Variants in SLC25A29 observed in about 807,000 individuals in gnomAD.
The protein encoded by SLC25A29 is solute carrier family 25 member 29, also known as mitochondrial basic amino acids transporter.
Under a neutral mutation model 10.0 loss-of-function variants are expected in SLC25A29, and 13 were observed. The ratio of observed to expected loss-of-function variants is 1.30; its 90% CI spans 0.85 to 2.07. The LOEUF (loss-of-function observed/expected upper bound fraction) is 2.07. SLC25A29 is among the 30% of genes most tolerant of loss of function. The pLI, the probability that SLC25A29 is intolerant of heterozygous loss-of-function variation, is 0.00. For synonymous variants in SLC25A29, 244 were observed against 221.1 expected (o/e 1.10, Z -0.92); for missense variants, 475 against 447.6 (o/e 1.06, Z -0.55).
intron 1 of SLC25A29, among the ~76,000 whole-genome samples, chr14:100,303,120 T>C (rs1220596526): frequency 1.3e-5 from 2 of 152,198 alleles, no homozygotes; most frequent in African/African-American, 4.8e-5. Flanking sequence ...TGGGAGGCCT[T>C]TGCATCCTGG....
intron 2 of SLC25A29, chr14:100,296,026 G>C: frequency 7.8e-7 from 1 of 1,286,840 alleles, no homozygotes; most frequent in Non-Finnish European, 1.0e-6. Context: ...TCCCAGCCAT[G>C]AGATAGTCTG....
Position 100,292,334 on chromosome 14 carries a change from AGCCTCGCCCTCGGGCCCG to A in SLC25A29, c.843_860del (p.Gly282_Ala287del), listed in dbSNP as rs757896339. The stretch of plus-strand genomic sequence containing the variant: ...CAGGCCCCGCAGGGGCGGCGGGCAC[AGCCTCGCCCTCGGGCCCG>A]GCCTCCTCGCCGCGCGCGTAGGTGA... On this transcript the variant is annotated inframe_deletion, in exon 4 of 4. Transcript: ENST00000359232. The A allele has an allele frequency of 1.1e-5, 16 of 1,494,188 alleles. No individual in the cohort carries two copies. The highest frequency in any genetic ancestry group is 1.3e-5 in the Non-Finnish European group (15 of 1,127,764). 92.6% of individuals were successfully genotyped at this position (1,494,188 alleles called of 1,614,324 possible).
At position 100,304,218 on chromosome 14, in the gene SLC25A29, C is replaced by T. The variant is rs182543036; in HGVS notation, c.34+1981G>A. On this transcript the variant is annotated intron_variant, in intron 1 of 3. Coordinates refer to ENST00000359232, the MANE Select transcript of SLC25A29 (RefSeq NM_001039355.3). The stretch of plus-strand genomic sequence containing the variant: ...GAGCCAGGCAGGGGCTGCTGGGGTA[C>T]GGGTCCCAAGGTGGGGTGCCTCTGG... Among the ~76,000 whole-genome samples the T allele has an allele frequency of 4.2e-4, 64 of 152,266 alleles. 1 individual carries two copies. In the East Asian group the frequency reaches 0.011, roughly 26 times the overall value.
downstream of SLC25A29, among the ~76,000 whole-genome samples, chr14:100,290,367 G>C (rs1193029361): frequency 6.6e-6 from 1 of 152,232 alleles, no homozygotes; most frequent in African/African-American, 2.4e-5. Context: ...AGAGTAAAGA[G>C]AAGCGAGAGA....
At chr14:100,301,710 CTT>C (rs1355296409) in intron 1 of SLC25A29, among the ~76,000 whole-genome samples, 2 of 150,398 alleles carry the variant, frequency 1.3e-5, no homozygotes, top group African/African-American at 4.9e-5. Context: ...GGGGTTTCAC[CTT>C]TGTTAGCCAG....
At chr14:100,300,832 G>A (rs1381856675) in intron 1 of SLC25A29, among the ~76,000 whole-genome samples, 1 of 152,102 alleles carries the variant, frequency 6.6e-6, no homozygotes, top group Non-Finnish European at 1.5e-5. Context: ...TTATGTAAAT[G>A]GTTTATTTTA....
rs1383083407 is a variant in SLC25A29 at position 100,306,391 on chromosome 14, G to C, written c.-159C>G. 1 of 610,996 alleles carries C rather than the reference G, an allele frequency of 1.6e-6. No homozygotes were observed. The highest frequency in any genetic ancestry group is 2.3e-6 in the Non-Finnish European group (1 of 427,742). 37.8% of individuals were successfully genotyped at this position (610,996 alleles called of 1,614,324 possible). ...GGGCAGGCGCGGTCAGGGATGGTGG[G>C]GATGGCGGCAGCAGCTAGACCCGCG... On this transcript the variant is annotated 5_prime_UTR_variant, in exon 1 of 4. Transcript: ENST00000359232.
intron 1 of SLC25A29, among the ~76,000 whole-genome samples, chr14:100,301,763 GCCAC>G (rs1400272668): frequency 3.9e-5 from 6 of 151,962 alleles, no homozygotes; most frequent in Non-Finnish European, 8.8e-5. Context: ...ACCCGCCTCG[GCCAC>G]CCAAAGTGCT....
At position 100,293,366 on chromosome 14, in the gene SLC25A29, C is replaced by G. The variant is rs747300722; in HGVS notation, c.90G>C (p.Gln30His). ...ACTGAGGCTTCTCCACGCTCTGGAC[C>G]TGAAGCCGTACCTGGAAGGAGAGGG... is the stretch of plus-strand genomic sequence containing the variant. ...HPFDTVKVRL[Q>H]VQSVEKPQYR... The change falls in exon 3 of 4, where the codon CAG becomes CAC. Residue 30 changes from glutamine (Q) to histidine (H), a missense_variant. Transcript: ENST00000359232. The G allele has an allele frequency of 6.2e-7, 1 of 1,613,012 alleles. No homozygotes were observed. Among genetic ancestry groups the G allele is most frequent in the Admixed American group, 1.7e-5 (1 of 59,984 alleles).
rs541770906 is a variant in SLC25A29 at position 100,305,742 on chromosome 14, G to A, written c.34+457C>T. On this transcript the variant is annotated intron_variant, in intron 1 of 3. Transcript: ENST00000359232. ...GTGCCCTCCAAGGCCAGCCGAGTAG[G>A]GGGTCGGCTCCGTAGCCCCAACCCC... 101 of 156,922 alleles carry A rather than the reference G, an allele frequency of 6.4e-4. No individual in the cohort carries two copies. The East Asian group carries it at 8.5e-3, about 13-fold the overall frequency. 9.7% of individuals were successfully genotyped at this position (156,922 alleles called of 1,614,324 possible). A position where few individuals can be genotyped will look rare whatever the true frequency, so the allele number is the denominator to read the frequency against.
chr14:100,298,414 G>A (rs186444735), intron 2 of SLC25A29, among the ~76,000 whole-genome samples: 3 of 152,312 alleles, frequency 2.0e-5, no homozygotes, highest in Non-Finnish European at 4.4e-5. Context: ...TCAGGCCTCT[G>A]GCACGTGGGA....
At chr14:100,294,688 G>A (rs1209202522) in intron 2 of SLC25A29, 1 of 152,216 alleles carries the variant, frequency 6.6e-6, no homozygotes, top group Non-Finnish European at 1.5e-5. Context: ...GCTAGCAAGG[G>A]AGAGCCCTCA....
At chr14:100,284,193 C>CAT in the SLC25A29 span, among the ~76,000 whole-genome samples, 1 of 152,216 alleles carries the variant, frequency 6.6e-6, no homozygotes, top group Non-Finnish European at 1.5e-5. Context: ...AAGCCCAAGC[C>CAT]TGCCTGGCTT....
Position 100,292,842 on chromosome 14 carries a change from G to A in SLC25A29, c.353C>T (p.Thr118Met), listed in dbSNP as rs373810559. ...GCCCGCGTCCTGCAGCTGCAGCCGC[G>A]TCTTGGCCAGCTCCATGGGGCAGCA... is the stretch of plus-strand genomic sequence containing the variant. Reference protein sequence around the residue: ...VICCPMELAKTRLQLQDAGPA... With the variant: ...VICCPMELAKMRLQLQDAGPA... Residue 118 changes from threonine (T) to methionine (M), a missense_variant, in exon 4 of 4, where the codon ACG becomes ATG. Transcript: ENST00000359232. 2.4e-5 allele frequency: 39 copies of A among 1,594,682 alleles called. No homozygotes were observed. In the African/African-American group the frequency reaches 4.5e-4, roughly 19 times the overall value.
At chr14:100,297,320 T>A (rs1431531305) in intron 2 of SLC25A29, among the ~76,000 whole-genome samples, 1 of 152,148 alleles carries the variant, frequency 6.6e-6, no homozygotes, top group East Asian at 1.9e-4. Context: ...GGGGTGCTGC[T>A]CGCGGGCTCA....
downstream of SLC25A29, among the ~76,000 whole-genome samples, chr14:100,287,950 T>C (rs1189178901): frequency 6.6e-6 from 1 of 152,070 alleles, no homozygotes; most frequent in Non-Finnish European, 1.5e-5. Context: ...CCACTGCACC[T>C]CCAGGCATCC....
chr14:100,280,223 C>T, the SLC25A29 span: 28 of 152,234 alleles, frequency 1.8e-4, no homozygotes, highest in East Asian at 2.1e-3. Context: ...ATTTTGCTAA[C>T]GATGTAATTT....
In SLC25A29 at chr14:100,292,043, A is replaced by C. The variant is rs948128237; in HGVS notation, c.*240T>G. 3.8e-6 allele frequency: 2 copies of C among 532,814 alleles called. No homozygotes were observed. Among genetic ancestry groups the C allele is most frequent in the Non-Finnish European group, 3.3e-6 (1 of 302,778 alleles). The allele number at this position is 532,814 out of a possible 1,614,324, so 33.0% of individuals were successfully genotyped here. A position where few individuals can be genotyped will look rare whatever the true frequency, so the allele number is the denominator to read the frequency against. On this transcript the variant is annotated 3_prime_UTR_variant, in exon 4 of 4. Transcript: ENST00000359232. The stretch of plus-strand genomic sequence containing the variant: ...CCAGGTGCTGGCTGCTGCTGGGAAT[A>C]ATCTCTGAGCTTCGTGACTCTACAG...
At chr14:100,285,617 C>T in the SLC25A29 span, among the ~76,000 whole-genome samples, 2 of 152,032 alleles carry the variant, frequency 1.3e-5, no homozygotes, top group African/African-American at 4.8e-5. Context: ...CCCAGGGCCA[C>T]GGGGGCGCGG....
Sources: gnomAD v4.1 joint callset for allele counts (sites outside exome capture counted in the v4.1 genomes callset) on GRCh38, gnomAD v4.1.1 for gene constraint, MANE v1.5 for transcripts, NCBI Gene and HGNC (gene_info 2026-07-23, HGNC 2026-07-21) for gene names.